KATNIP: variants seen among roughly 807,000 people sequenced by gnomAD.
The protein encoded by KATNIP is katanin-interacting protein.
Under a neutral mutation model 174.0 loss-of-function variants are expected in KATNIP, and 126 were observed. That is an observed-to-expected ratio of 0.72 (90% CI 0.63 to 0.84). KATNIP has a LOEUF of 0.84. Among genes scored for constraint, KATNIP ranks in the 40% least tolerant of loss-of-function variants. KATNIP has a pLI of 0.00. For synonymous variants in KATNIP, 810 were observed against 835.7 expected (o/e 0.97, Z 0.53); for missense variants, 1,958 against 2,109.7 (o/e 0.93, Z 1.41).
At chr16:27,588,132 C>T (rs998783095) in intron 2 of KATNIP, among the ~76,000 whole-genome samples, 1 of 151,870 alleles carries the variant, frequency 6.6e-6, no homozygotes, top group African/African-American at 2.4e-5. Context: ...ACTCAAGCGA[C>T]CCTCCTGCCT....
intron 13 of KATNIP, among the ~76,000 whole-genome samples, chr16:27,715,238 T>C (rs936185547): frequency 1.3e-5 from 2 of 152,186 alleles, no homozygotes; most frequent in African/African-American, 2.4e-5. Context: ...CGTTTCCACA[T>C]GCGAGAAAAT....
intron 1 of KATNIP, 84 bp downstream of exon 1, chr16:27,550,261 A>G: frequency 3.3e-6 from 5 of 1,505,796 alleles, no homozygotes; most frequent in Admixed American, 1.9e-5. Flanking sequence ...ATCCTAGGCC[A>G]TGAACCCCTG....
At position 27,692,740 on chromosome 16, in the gene KATNIP, A is replaced by G. The variant is rs570800415; in HGVS notation, c.941-5588A>G. On this transcript the variant is annotated intron_variant, in intron 8 of 27. Transcript: ENST00000261588. ...TCATGAGCAGCCCCTTACCCTCTGC[A>G]TGTACCTGACCCATGTCTGTCTCTG... 1.2e-4 allele frequency among the ~76,000 whole-genome samples: 18 copies of G among 152,310 alleles called. No individual in the cohort carries two copies. In the South Asian group the frequency reaches 3.5e-3, roughly 30 times the overall value.
Position 27,596,157 on chromosome 16 carries a change from G to A in KATNIP, c.63+22201G>A, listed in dbSNP as rs570000630. On this transcript the variant is annotated intron_variant, in intron 2 of 27. Coordinates refer to ENST00000261588, the MANE Select transcript of KATNIP (RefSeq NM_015202.5). ...CCATGTGGGGAGAATGACCACAGGCGAAGGTGAAAGGAGGCAGTGGCTGCT... is the reference window on the plus strand; with the variant it reads ...CCATGTGGGGAGAATGACCACAGGCAAAGGTGAAAGGAGGCAGTGGCTGCT... Among the ~76,000 whole-genome samples, 91 of 152,280 alleles carry A rather than the reference G, an allele frequency of 6.0e-4. No individual in the cohort carries two copies. In the South Asian group the frequency reaches 0.018, roughly 30 times the overall value.
chr16:27,698,491 C>T lies in KATNIP; in HGVS notation c.1104C>T (p.Ser368=), dbSNP rs61740294. 5,185 of 1,609,016 alleles carry T rather than the reference C, an allele frequency of 3.2e-3. 162 individuals are homozygous for T. In the African/African-American group the frequency reaches 0.062, roughly 19 times the overall value. ...GCAGAAAGGCCGAGCAGCCAGCCAGCCCACTGCAGGTGCGCTCCGGGCTGG... is the reference window on the plus strand; with the variant it reads ...GCAGAAAGGCCGAGCAGCCAGCCAGTCCACTGCAGGTGCGCTCCGGGCTGG... ...LLSRKAEQPA[S]PLQDAEGPPA... is the part of the protein sequence containing the mutation. The change falls in exon 9 of 28, where the codon AGC becomes AGT. Residue 368 remains serine (S), a synonymous_variant. Transcript: ENST00000261588.
rs1341542192 is a variant in KATNIP, at chr16:27,740,659, C to T, written c.2362C>T (p.Leu788Phe). 3 of 1,614,068 alleles carry T rather than the reference C, an allele frequency of 1.9e-6. No homozygotes were observed. The highest frequency in any genetic ancestry group is 2.5e-6 in the Non-Finnish European group (3 of 1,180,038). The change falls in exon 15 of 28, where the codon CTC becomes TTC. Residue 788 changes from leucine (L) to phenylalanine (F), a missense_variant. Physicochemically the swap from Leu to Phe is conservative, Grantham distance 22. Around this residue, in one of 3 missense-constraint regions of KATNIP, gnomAD observed 1,557 missense variants for 1,617.8 expected, o/e 0.96. Transcript: ENST00000261588. ...PEKPLAWKGR[L>F]PSDDVIGEGP... ...GAAGCCCCTGGCCTGGAAGGGCAGG[C>T]TCCCATCAGACGATGTCATCGGTGA...
chr16:27,641,149 A>T (rs974583397), intron 5 of KATNIP, among the ~76,000 whole-genome samples: 1 of 151,928 alleles, frequency 6.6e-6, no homozygotes, highest in Admixed American at 6.6e-5. Context: ...AAAAAAAAAA[A>T]AAGGAGAGAG....
intron 2 of KATNIP, among the ~76,000 whole-genome samples, chr16:27,603,737 CTTTT>C (rs35121026): frequency 5.3e-5 from 7 of 131,028 alleles, no homozygotes; most frequent in Admixed American, 7.6e-5. Flanking sequence ...TTCCCACTTC[CTTTT>C]TTTTTTTTTT....
At position 27,754,287 on chromosome 16, in the gene KATNIP, G is replaced by A. The variant is rs2278690; in HGVS notation, c.3631+36G>A. ...CTCCTGGAGCAGTGTTGGGTGGAAG[G>A]AGGACCTTCCAGGGACAGGGGGAGT... is the stretch of plus-strand genomic sequence containing the variant. On this transcript the variant is annotated intron_variant, in intron 18 of 27. Transcript: ENST00000261588. 7.8e-4 allele frequency: 1,226 copies of A among 1,575,364 alleles called. 29 individuals carry two copies. In the East Asian group the frequency reaches 0.026, roughly 33 times the overall value.
At chr16:27,672,106 T>A (rs1157235387) in intron 6 of KATNIP, among the ~76,000 whole-genome samples, 41 of 152,102 alleles carry the variant, frequency 2.7e-4, no homozygotes, top group Non-Finnish European at 8.8e-5. Flanking sequence ...TAACATTGTA[T>A]CTCTGCCTAG....
chr16:27,654,716 T>C (rs2077213586), intron 6 of KATNIP: 1 of 1,352,032 alleles, frequency 7.4e-7, no homozygotes, highest in Non-Finnish European at 9.8e-7. Flanking sequence ...AAGGATCCTC[T>C]TAACTATTCA....
At chr16:27,562,124 G>A (rs2089908126) in intron 1 of KATNIP, among the ~76,000 whole-genome samples, 1 of 152,138 alleles carries the variant, frequency 6.6e-6, no homozygotes, top group African/African-American at 2.4e-5. Context: ...TGGGCAATAT[G>A]GCAGACCCCG....
intron 2 of KATNIP, among the ~76,000 whole-genome samples, chr16:27,595,601 G>T (rs560936793): frequency 1.1e-4 from 16 of 152,196 alleles, no homozygotes; most frequent in Non-Finnish European, 1.8e-4. Context: ...TGTTTATCAA[G>T]CACCTGCCAT....
intron 14 of KATNIP, among the ~76,000 whole-genome samples, chr16:27,731,868 A>G (rs1277591298): frequency 6.6e-6 from 1 of 151,670 alleles, no homozygotes; most frequent in Non-Finnish European, 1.5e-5. Context: ...TTATCCACCC[A>G]CCTTGGCCTC....
chr16:27,608,622 A>G (rs551401676), intron 2 of KATNIP, among the ~76,000 whole-genome samples: 1 of 151,972 alleles, frequency 6.6e-6, no homozygotes, highest in East Asian at 1.9e-4. Flanking sequence ...GGCTCAAGCT[A>G]TCCTGCCACC....
chr16:27,577,806 G>A (rs924343972), intron 2 of KATNIP, among the ~76,000 whole-genome samples: 2 of 152,064 alleles, frequency 1.3e-5, no homozygotes, highest in South Asian at 2.1e-4. Flanking sequence ...CCAGGAGTTC[G>A]AGGCTGCAAT....
chr16:27,721,461 C>G (rs2080237826), intron 13 of KATNIP, 97 bp from the exon 14 acceptor site: 2 of 1,451,732 alleles, frequency 1.4e-6, no homozygotes, highest in Non-Finnish European at 1.9e-6. Context: ...CTCACCAGGC[C>G]TCTCCTGGTT....
At chr16:27,664,933 G>A (rs536112323) in intron 6 of KATNIP, among the ~76,000 whole-genome samples, 1 of 152,236 alleles carries the variant, frequency 6.6e-6, no homozygotes, top group African/African-American at 2.4e-5. Context: ...AGGCTAGAGT[G>A]GGGGGCCGCT....
Position 27,778,616 on chromosome 16 carries a change from G to T in KATNIP, c.4844G>T (p.Arg1615Leu), listed in dbSNP as rs200717139. The change falls in exon 28 of 28, where the codon CGA (arginine) becomes CTA (leucine). Residue 1615 changes from arginine (R) to leucine (L), a missense_variant. Arg to Leu is a moderately radical substitution (Grantham distance 102). Around this residue, in one of 3 missense-constraint regions of KATNIP, gnomAD observed 383 missense variants for 456.0 expected, o/e 0.84. Coordinates refer to ENST00000261588, the MANE Select transcript of KATNIP (RefSeq NM_015202.5). ...TGCATCAGCGAGAAGGAGACGAGAC[G>T]ACGGCGCTGCTGACTGGTGAAGGAG... The part of the protein sequence containing the change: ...KTCISEKETR[R>L]RRC 2 of 1,613,840 alleles carry T rather than the reference G, an allele frequency of 1.2e-6. No homozygotes were observed. The highest frequency in any genetic ancestry group is 2.7e-5 in the African/African-American group (2 of 75,050).
Sources: allele counts gnomAD v4.1 joint callset (sites outside exome capture counted in the v4.1 genomes callset), GRCh38; gene constraint gnomAD v4.1.1; regional missense constraint gnomAD v4.1.1; transcripts MANE v1.5; gene names NCBI Gene and HGNC (gene_info 2026-07-23, HGNC 2026-07-21).